GRM5: variants seen among roughly 807,000 people sequenced by gnomAD.
GRM5 encodes glutamate metabotropic receptor 5.
In GRM5, 19 loss-of-function variants were observed where a neutral mutation model predicts 83.1. The observed-to-expected ratio is 0.23, with a 90% CI of 0.16 to 0.34. The LOEUF is 0.34. Ranked by LOEUF, GRM5 falls within the 10% of genes least tolerant of loss-of-function variation. The pLI is 1.00. For missense variants in GRM5, 1,160 were observed against 1,588.3 expected, an observed-to-expected ratio of 0.73 and a Z score of 4.58; for synonymous variants, 675 against 633.6, an observed-to-expected ratio of 1.07 and a Z score of -0.98.
At chr11:88,705,730 C>T (rs1499032) in intron 3 of GRM5, among the ~76,000 whole-genome samples, 119,881 of 151,600 alleles carry the variant, frequency 0.79, 50,968 homozygotes, top group Non-Finnish European at 0.96. Context: ...TGATTAATCT[C>T]TAAAAAATCC....
intron 2 of GRM5, among the ~76,000 whole-genome samples, chr11:89,006,701 A>G (rs1283227610): frequency 6.6e-6 from 1 of 152,106 alleles, no homozygotes; most frequent in Non-Finnish European, 1.5e-5. Context: ...CCTTCCTGCT[A>G]TTTGTATTTT....
intron 3 of GRM5, among the ~76,000 whole-genome samples, chr11:88,700,638 C>T (rs1941010562): frequency 6.6e-6 from 1 of 152,086 alleles, no homozygotes; most frequent in Non-Finnish European, 1.5e-5. Flanking sequence ...CAGCTAGAAC[C>T]ACTATGGCAG....
chr11:88,989,833 A>AC lies in GRM5; in HGVS notation c.661+57378dup, dbSNP rs199651109. On this transcript the variant is annotated intron_variant, in intron 2 of 9. Transcript: ENST00000305447. ...ACCAACGAGAACAAAGACACAACAT[A>AC]CCAGAATCTCTGGGACGCATTCAAA... Among the ~76,000 whole-genome samples the AC allele has an allele frequency of 8.8e-4, 134 of 151,876 alleles. 2 individuals are homozygous for AC. In the South Asian group the frequency reaches 9.8e-3, roughly 11 times the overall value.
In GRM5 at chr11:88,811,927, A is replaced by G. The variant is rs565406299; in HGVS notation, c.911+37979T>C. Among the ~76,000 whole-genome samples, 5 of 152,210 alleles carry G rather than the reference A, an allele frequency of 3.3e-5. No individual in the cohort carries two copies. The South Asian group carries it at 1.0e-3, about 32-fold the overall frequency. ...GCCAGAAATGACATACTCTTCCCAA[A>G]AAAGGCTTTTCTCTGCAGCGTAGAG... On this transcript the variant is annotated intron_variant, in intron 3 of 9. Transcript: ENST00000305447.
At chr11:88,912,784 G>T (rs922226208) in intron 2 of GRM5, among the ~76,000 whole-genome samples, 2 of 151,990 alleles carry the variant, frequency 1.3e-5, no homozygotes, top group African/African-American at 4.8e-5. Flanking sequence ...ACAAACAAAA[G>T]CACTTGATAA....
chr11:88,877,561 C>A (rs1944876496), intron 2 of GRM5, among the ~76,000 whole-genome samples: 1 of 151,666 alleles, frequency 6.6e-6, no homozygotes, highest in Admixed American at 6.6e-5. Context: ...GACTGTAATC[C>A]CAGCACTTTG....
chr11:88,537,911 T>C (rs1391033416), intron 8 of GRM5, among the ~76,000 whole-genome samples: 1 of 152,124 alleles, frequency 6.6e-6, no homozygotes, highest in Non-Finnish European at 1.5e-5. Context: ...CATATTTCAC[T>C]GTGTTCTGTG....
In GRM5 at chr11:88,858,191, T is replaced by C. The variant is rs184718095; in HGVS notation, c.662-8036A>G. 4.9e-3 allele frequency among the ~76,000 whole-genome samples: 740 copies of C among 152,116 alleles called. 1 individual carries two copies. Among genetic ancestry groups the C allele is most frequent in the Non-Finnish European group, 8.9e-3 (603 of 67,952 alleles). On this transcript the variant is annotated intron_variant, in intron 2 of 9. Coordinates refer to ENST00000305447, the MANE Select transcript of GRM5 (RefSeq NM_001143831.3). Reference sequence around the variant, plus strand: ...TACCAGAAGGATCTCATTTAGAAAATTTGCTTTAGTTATTACTCTAGGAAT... The same window carrying C: ...TACCAGAAGGATCTCATTTAGAAAACTTGCTTTAGTTATTACTCTAGGAAT...
At chr11:88,970,983 C>G (rs1939149780) in intron 2 of GRM5, among the ~76,000 whole-genome samples, 1 of 152,092 alleles carries the variant, frequency 6.6e-6, no homozygotes, top group South Asian at 2.1e-4. Context: ...CCAGTACACC[C>G]AATATGGATG....
intron 2 of GRM5, among the ~76,000 whole-genome samples, chr11:88,903,021 G>A (rs1945341409): frequency 1.4e-5 from 2 of 144,392 alleles, no homozygotes. Context: ...AAGAGGACAA[G>A]CAACAGCAGG....
intron 2 of GRM5, among the ~76,000 whole-genome samples, chr11:88,876,692 A>G (rs1308583492): frequency 1.3e-5 from 2 of 152,056 alleles, no homozygotes; most frequent in Non-Finnish European, 2.9e-5. Context: ...CCTAACTTCA[A>G]TATTGTTCTG....
intron 1 of GRM5, among the ~76,000 whole-genome samples, chr11:89,050,407 A>C (rs1941732418): frequency 6.6e-6 from 1 of 152,216 alleles, no homozygotes; most frequent in East Asian, 1.9e-4. Context: ...TGAGCAAAAT[A>C]TACAAGCTCC....
chr11:88,969,856 A>G (rs1218784642), intron 2 of GRM5, among the ~76,000 whole-genome samples: 7 of 152,222 alleles, frequency 4.6e-5, no homozygotes, highest in African/African-American at 1.4e-4. Flanking sequence ...GTCTTCATAC[A>G]TTTTGAGTTA....
At chr11:89,062,117 C>T (rs1175153623) in intron 1 of GRM5, among the ~76,000 whole-genome samples, 1 of 152,118 alleles carries the variant, frequency 6.6e-6, no homozygotes, top group Non-Finnish European at 1.5e-5. Flanking sequence ...TTTTCAAGTC[C>T]TAAACCAATG....
intron 2 of GRM5, among the ~76,000 whole-genome samples, chr11:88,891,322 T>C (rs1179256554): frequency 6.6e-6 from 1 of 152,098 alleles, no homozygotes; most frequent in Non-Finnish European, 1.5e-5. Flanking sequence ...AAATAAGTAA[T>C]TTATGACTAT....
intron 2 of GRM5, among the ~76,000 whole-genome samples, chr11:88,943,675 T>C (rs192484064): frequency 4.6e-5 from 7 of 152,028 alleles, no homozygotes; most frequent in Non-Finnish European, 1.5e-5. Flanking sequence ...AAAAGTAGTT[T>C]TAGTATAGGA....
chr11:88,836,259 C>T (rs767139087), intron 3 of GRM5, among the ~76,000 whole-genome samples: 2 of 152,088 alleles, frequency 1.3e-5, no homozygotes, highest in Non-Finnish European at 2.9e-5. Context: ...CTATTATAGC[C>T]CCAAAGCAGC....
At chr11:88,937,079 A>G (rs1221930754) in intron 2 of GRM5, among the ~76,000 whole-genome samples, 1 of 151,632 alleles carries the variant, frequency 6.6e-6, no homozygotes, top group Non-Finnish European at 1.5e-5. Flanking sequence ...AATTTAAAAA[A>G]ACTCACTACA....
chr11:88,888,060 T>C (rs1374954859), intron 2 of GRM5, among the ~76,000 whole-genome samples: 2 of 152,100 alleles, frequency 1.3e-5, no homozygotes, highest in African/African-American at 2.4e-5. Flanking sequence ...TCTAAAATTT[T>C]CCATTCCATC....
Sources: allele counts gnomAD v4.1 joint callset (sites outside exome capture counted in the v4.1 genomes callset), GRCh38; gene constraint gnomAD v4.1.1; transcripts MANE v1.5; gene names NCBI Gene and HGNC (gene_info 2026-07-23, HGNC 2026-07-21).